Variants in PRKD1 observed in about 807,000 individuals in gnomAD.
PRKD1 encodes the protein protein kinase D1, also known as serine/threonine-protein kinase D1.
PRKD1 carries 63 observed loss-of-function variants against 95.9 expected under a neutral mutation model. The observed-to-expected ratio is 0.66, with a 90% CI of 0.54 to 0.81. The LOEUF (loss-of-function observed/expected upper bound fraction) is 0.81. Ranked by LOEUF, PRKD1 falls within the 30% of genes least tolerant of loss-of-function variation. The pLI is 0.00. For missense variants in PRKD1, 1,048 were observed against 1,165.3 expected, an observed-to-expected ratio of 0.90 and a Z score of 1.47; for synonymous variants, 425 against 423.1, an observed-to-expected ratio of 1.00 and a Z score of -0.05.
At chr14:29,754,547 T>C (rs751681876) in intron 1 of PRKD1, among the ~76,000 whole-genome samples, 9 of 152,264 alleles carry the variant, frequency 5.9e-5, no homozygotes, top group Non-Finnish European at 1.2e-4. Flanking sequence ...TTTTTCCATA[T>C]AGTAAAACAA....
chr14:29,728,291 G>T (rs1225411410), intron 1 of PRKD1, among the ~76,000 whole-genome samples: 1 of 152,102 alleles, frequency 6.6e-6, no homozygotes, highest in Admixed American at 6.5e-5. Context: ...CAACTTCATT[G>T]AAGTATAAAT....
intron 6 of PRKD1, 90 bp from the exon 7 acceptor site, chr14:29,636,584 T>G: frequency 7.7e-7 from 1 of 1,303,740 alleles, no homozygotes; most frequent in African/African-American, 1.5e-5. Context: ...ACAAATCAAT[T>G]GGAAGCCCCA....
At chr14:29,676,668 C>T (rs141367275) in intron 2 of PRKD1, among the ~76,000 whole-genome samples, 12 of 152,164 alleles carry the variant, frequency 7.9e-5, no homozygotes, top group African/African-American at 2.6e-4. Context: ...CAGTTTTTAA[C>T]CTGTTTAGTA....
Position 29,646,750 on chromosome 14 carries a change from A to C in PRKD1, c.697-7846T>G, listed in dbSNP as rs1881150011. On this transcript the variant is annotated intron_variant, in intron 4 of 17. Transcript: ENST00000331968. Reference sequence around the variant, plus strand: ...GAAGCAAAAAACAAACAAACAAAAAACGAAAAAAAAAAAAACCCACACAGT... The same window carrying C: ...GAAGCAAAAAACAAACAAACAAAAACCGAAAAAAAAAAAAACCCACACAGT... Among the ~76,000 whole-genome samples, 3 of 148,396 alleles carry C rather than the reference A, an allele frequency of 2.0e-5. No homozygotes were observed. In the South Asian group the frequency reaches 6.8e-4, roughly 34 times the overall value.
At chr14:29,798,408 G>A (rs1889901370) in intron 1 of PRKD1, among the ~76,000 whole-genome samples, 1 of 152,102 alleles carries the variant, frequency 6.6e-6, no homozygotes, top group Non-Finnish European at 1.5e-5. Flanking sequence ...ATTTGCAAAA[G>A]CAAATATAAT....
intron 13 of PRKD1, among the ~76,000 whole-genome samples, chr14:29,618,898 G>A (rs1202251116): frequency 6.6e-6 from 1 of 152,074 alleles, no homozygotes; most frequent in African/African-American, 2.4e-5. Context: ...AATTTGATCT[G>A]AGGACCTAGC....
intron 11 of PRKD1, among the ~76,000 whole-genome samples, chr14:29,626,900 AG>A (rs1421745177): frequency 1.3e-5 from 2 of 152,036 alleles, no homozygotes; most frequent in Non-Finnish European, 2.9e-5. Context: ...TTTTTAGTAG[AG>A]ATGGGGTTTC....
intron 1 of PRKD1, among the ~76,000 whole-genome samples, chr14:29,860,209 G>A (rs1892656707): frequency 6.6e-6 from 1 of 152,206 alleles, no homozygotes; most frequent in Non-Finnish European, 1.5e-5. Flanking sequence ...AAAAATCAAA[G>A]CGATTATAAA....
chr14:29,587,858 T>G (rs1054316394), intron 16 of PRKD1, among the ~76,000 whole-genome samples: 1 of 152,198 alleles, frequency 6.6e-6, no homozygotes, highest in African/African-American at 2.4e-5. Context: ...TTCCAGAATC[T>G]TAAGTTGAGA....
In PRKD1 at chr14:29,779,110, A is replaced by G. The variant is rs557395942; in HGVS notation, c.265-53436T>C. On this transcript the variant is annotated intron_variant, in intron 1 of 17. Transcript: ENST00000331968. The stretch of plus-strand genomic sequence containing the variant: ...CAGCCCTTCATGCTAAAAACTCTCA[A>G]TAAATTAGGTATTGATGAGACGTAT... Among the ~76,000 whole-genome samples the G allele has an allele frequency of 3.3e-5, 5 of 152,314 alleles. No homozygotes were observed. The East Asian group carries it at 9.6e-4, about 29-fold the overall frequency.
At chr14:29,636,186 CA>C in intron 7 of PRKD1, 103 bp downstream of exon 7, 1 of 1,330,202 alleles carries the variant, frequency 7.5e-7, no homozygotes, top group Non-Finnish European at 1.1e-6. Context: ...AGTAAACGTG[CA>C]CTTCACATTT....
At chr14:29,602,427 C>CTTTTTTTTTT (rs11331211) in intron 13 of PRKD1, among the ~76,000 whole-genome samples, 5 of 131,436 alleles carry the variant, frequency 3.8e-5, no homozygotes, top group Non-Finnish European at 4.8e-5. Context: ...CTGTATTCCT[C>CTTTTTTTTTT]TTTTTTTTTT....
chr14:29,588,591 T>C (rs1279458209), intron 16 of PRKD1, among the ~76,000 whole-genome samples: 1 of 152,182 alleles, frequency 6.6e-6, no homozygotes, highest in Non-Finnish European at 1.5e-5. Context: ...GAATAAATTA[T>C]AGCTGTGCTT....
intron 13 of PRKD1, among the ~76,000 whole-genome samples, chr14:29,610,657 TG>T (rs1305220862): frequency 6.6e-6 from 1 of 152,242 alleles, no homozygotes; most frequent in African/African-American, 2.4e-5. Context: ...ATCATACTTC[TG>T]GGTATTTACC....
chr14:29,844,950 A>C (rs1178586828), intron 1 of PRKD1, among the ~76,000 whole-genome samples: 1 of 152,192 alleles, frequency 6.6e-6, no homozygotes, highest in African/African-American at 2.4e-5. Context: ...CATAATGACC[A>C]TATAACATTT....
At chr14:29,861,388 T>C in intron 1 of PRKD1, among the ~76,000 whole-genome samples, 1 of 152,202 alleles carries the variant, frequency 6.6e-6, no homozygotes, top group East Asian at 1.9e-4. Flanking sequence ...TCAAGTGTTT[T>C]TAAATTGTAT....
At chr14:29,682,233 C>T (rs1005331304) in intron 2 of PRKD1, among the ~76,000 whole-genome samples, 2 of 152,258 alleles carry the variant, frequency 1.3e-5, no homozygotes, top group African/African-American at 4.8e-5. Flanking sequence ...GGAATATCAA[C>T]GTGGCTTGGT....
chr14:29,880,385 A>G (rs544908482), intron 1 of PRKD1, among the ~76,000 whole-genome samples: 3 of 152,344 alleles, frequency 2.0e-5, no homozygotes, highest in South Asian at 4.1e-4. Context: ...CTGCTGGTAC[A>G]CAGAAGTCAA....
At chr14:29,683,180 G>GT (rs1183985322) in intron 2 of PRKD1, among the ~76,000 whole-genome samples, 2 of 152,278 alleles carry the variant, frequency 1.3e-5, no homozygotes, top group Non-Finnish European at 2.9e-5. Context: ...GTCAGAAAGA[G>GT]TTATAGGGTT....
Sources: gnomAD v4.1 joint callset for allele counts (sites outside exome capture counted in the v4.1 genomes callset) on GRCh38, gnomAD v4.1.1 for gene constraint, MANE v1.5 for transcripts, NCBI Gene and HGNC (gene_info 2026-07-23, HGNC 2026-07-21) for gene names.